Variants in PRKCZ observed in about 807,000 individuals in gnomAD.
PRKCZ encodes protein kinase C zeta type.
Under a neutral mutation model 79.5 loss-of-function variants are expected in PRKCZ, and 33 were observed. The observed-to-expected ratio is 0.41, with a 90% confidence interval of 0.31 to 0.55. PRKCZ has a LOEUF of 0.55. Among genes scored for constraint, PRKCZ ranks in the 20% least tolerant of loss-of-function variants. The pLI, the probability that PRKCZ is intolerant of heterozygous loss-of-function variation, is 0.19. For missense variants in PRKCZ, 578 were observed against 813.5 expected (o/e 0.71, Z 3.52); for synonymous variants, 342 against 320.9 (o/e 1.07, Z -0.70).
chr1:2,051,026 G>C (rs1659589689), intron 1 of PRKCZ: 3 of 265,488 alleles, frequency 1.1e-5, no homozygotes, highest in Admixed American at 5.4e-5. Context: ...AGGACTGAAA[G>C]TTTTCATCAA....
intron 10 of PRKCZ, among the ~76,000 whole-genome samples, chr1:2,162,871 A>G (rs1054532801): frequency 1.3e-5 from 2 of 151,612 alleles, no homozygotes; most frequent in African/African-American, 2.4e-5. Context: ...TGTGGGCCCC[A>G]TGGCTTCTGA....
chr1:2,085,140 A>G (rs1465310062), intron 4 of PRKCZ, among the ~76,000 whole-genome samples: 1 of 152,156 alleles, frequency 6.6e-6, no homozygotes, highest in Non-Finnish European at 1.5e-5. Flanking sequence ...TTCCTCTGTC[A>G]GCTGGGTGAG....
chr1:2,104,935 C>G, intron 4 of PRKCZ: 1 of 985,294 alleles, frequency 1.0e-6, no homozygotes, highest in Non-Finnish European at 1.2e-6. Context: ...TACACAGCAC[C>G]CAGGCCTTTT....
Position 2,174,500 on chromosome 1 carries a change from C to T in PRKCZ, c.1406-254C>T, listed in dbSNP as rs372209578. 6.2e-4 allele frequency among the ~76,000 whole-genome samples: 94 copies of T among 152,354 alleles called. No individual in the cohort carries two copies. The highest frequency in any genetic ancestry group is 2.0e-3 in the African/African-American group (84 of 41,586). ...GCCTGCAGAGGCACCCGTGTACCTG[C>T]GATCTTGGGGCTGAGGAAGGGGAGC... is the stretch of plus-strand genomic sequence containing the variant. On this transcript the variant is annotated intron_variant, in intron 14 of 17. Coordinates refer to ENST00000378567, the MANE Select transcript of PRKCZ (RefSeq NM_002744.6). The surrounding 1 kb of genome is among the most constrained non-coding windows in gnomAD (Gnocchi z 6.2).
chr1:2,172,055 G>T lies in PRKCZ; in HGVS notation c.1062G>T (p.Arg354Ser). 1 of 1,600,942 alleles carries T rather than the reference G, an allele frequency of 6.2e-7. No homozygotes were observed. Among genetic ancestry groups the T allele is most frequent in the Non-Finnish European group, 8.5e-7 (1 of 1,173,404 alleles). The change falls in exon 12 of 18, where the codon AGG becomes AGT. Residue 354 changes from arginine (R) to serine (S), a missense_variant and splice_region_variant. Coordinates refer to ENST00000378567, the MANE Select transcript of PRKCZ (RefSeq NM_002744.6). The surrounding 1 kb of genome is among the most constrained non-coding windows in gnomAD (Gnocchi z 7.8). ...RQRKLPEEHA[R>S]FYAAEICIAL... ...CCCATGACGGCATCCCCACCCCCAG[G>T]TTCTACGCGGCCGAGATCTGCATCG...
intron 10 of PRKCZ, among the ~76,000 whole-genome samples, chr1:2,161,562 A>AG (rs1246148321): frequency 6.6e-6 from 1 of 152,234 alleles, no homozygotes. Flanking sequence ...CAGGCCACAC[A>AG]GGACTGTGCA....
chr1:2,178,510 G>T lies in PRKCZ; in HGVS notation c.1575+3197G>T, dbSNP rs1685919714. ...GTGAACACCTGTGAACCCGCTTCTG[G>T]GTGGACTCGTGCTGCTGTGAGCACC... On this transcript the variant is annotated intron_variant, in intron 16 of 17. Transcript: ENST00000378567. The surrounding 1 kb of genome is among the most constrained non-coding windows in gnomAD (Gnocchi z 4.3). Among the ~76,000 whole-genome samples the T allele has an allele frequency of 6.6e-6, 1 of 151,622 alleles. No individual in the cohort carries two copies. The highest frequency in any genetic ancestry group is 1.9e-4 in the East Asian group (1 of 5,190).
intron 4 of PRKCZ, among the ~76,000 whole-genome samples, chr1:2,076,132 G>A (rs1367091346): frequency 6.6e-6 from 1 of 152,194 alleles, no homozygotes; most frequent in African/African-American, 2.4e-5. Context: ...CTGAGGGGGT[G>A]CCCAGTGCCA....
chr1:2,088,096 C>T (rs541617744), intron 4 of PRKCZ, among the ~76,000 whole-genome samples: 19 of 152,290 alleles, frequency 1.2e-4, no homozygotes, highest in African/African-American at 4.3e-4. Flanking sequence ...TCGGATGCTG[C>T]CTGAGTTGGG....
chr1:2,079,975 G>C (rs995065802), intron 4 of PRKCZ, among the ~76,000 whole-genome samples: 1 of 152,188 alleles, frequency 6.6e-6, no homozygotes, highest in Non-Finnish European at 1.5e-5. Context: ...TGAGGAAGGG[G>C]GTCTGGGGGT....
chr1:2,085,245 C>T (rs1347039644), intron 4 of PRKCZ, among the ~76,000 whole-genome samples: 2 of 152,248 alleles, frequency 1.3e-5, no homozygotes, highest in African/African-American at 2.4e-5. Context: ...TTCCGAGACA[C>T]GTTGTACCAT....
chr1:2,117,486 C>T (rs191735457), intron 4 of PRKCZ, among the ~76,000 whole-genome samples: 209 of 152,066 alleles, frequency 1.4e-3, no homozygotes, highest in African/African-American at 4.5e-3. Context: ...CCTCTCTGTG[C>T]GCTGCCATTT....
intron 4 of PRKCZ, among the ~76,000 whole-genome samples, chr1:2,083,452 T>TA (rs1663947071): frequency 6.6e-6 from 1 of 152,256 alleles, no homozygotes; most frequent in African/African-American, 2.4e-5. Context: ...TCATTAACTC[T>TA]AATTAATGTA....
chr1:2,056,540 C>G lies in PRKCZ; in HGVS notation c.250C>G (p.Arg84Gly). The change falls in exon 3 of 18, where the codon CGT (arginine) becomes GGT (glycine). Residue 84 changes from arginine (R) to glycine (G), a missense_variant. Physicochemically the swap from Arg to Gly is moderately radical, Grantham distance 125 (BLOSUM62 -2). Coordinates refer to ENST00000378567, the MANE Select transcript of PRKCZ (RefSeq NM_002744.6). ...GCTGGAAGAGGCTTTCCGCCTGGCC[C>G]GTCAGTGCAGGGATGAAGGCCTCAT... ...MELEEAFRLA[R>G]QCRDEGLIIH... 1.2e-6 allele frequency: 2 copies of G among 1,613,862 alleles called. No individual in the cohort carries two copies. Among genetic ancestry groups the G allele is most frequent in the Non-Finnish European group, 1.7e-6 (2 of 1,179,930 alleles).
chr1:2,108,561 T>C (rs1266386785), intron 4 of PRKCZ, among the ~76,000 whole-genome samples: 3 of 152,340 alleles, frequency 2.0e-5, no homozygotes, highest in Non-Finnish European at 2.9e-5. Context: ...TGCGTGACAG[T>C]GGAGACATCG....
rs1303075918 is a variant in PRKCZ at position 2,080,890 on chromosome 1, C to T, written c.334+21299C>T. Reference sequence around the variant, plus strand: ...TGGTCAGGTGTTTTGTGGGACAGCCCTTCGCTGGGGTTTGCCTCATGTTTT... The same window carrying T: ...TGGTCAGGTGTTTTGTGGGACAGCCTTTCGCTGGGGTTTGCCTCATGTTTT... On this transcript the variant is annotated intron_variant, in intron 4 of 17. Coordinates refer to ENST00000378567, the MANE Select transcript of PRKCZ (RefSeq NM_002744.6). Among the ~76,000 whole-genome samples the T allele has an allele frequency of 2.0e-5, 3 of 152,182 alleles. No individual in the cohort carries two copies. In the South Asian group the frequency reaches 6.2e-4, roughly 31 times the overall value.
At chr1:2,118,033 C>A (rs1344865292) in intron 4 of PRKCZ, among the ~76,000 whole-genome samples, 1 of 120,474 alleles carries the variant, frequency 8.3e-6, no homozygotes, top group African/African-American at 3.0e-5. Context: ...ACTCTGTCAC[C>A]CAGGCTGGAG....
At chr1:2,146,175 C>A in intron 7 of PRKCZ, 67 bp downstream of exon 7, 2 of 1,468,742 alleles carry the variant, frequency 1.4e-6, no homozygotes, top group Non-Finnish European at 9.5e-7. Flanking sequence ...CCTCTGCCTT[C>A]TAGCCACGAG....
At chr1:2,050,218 C>T (rs868104262), upstream of PRKCZ, 1 of 152,100 alleles carries the variant, frequency 6.6e-6, no homozygotes, top group Admixed American at 6.6e-5. Context: ...AGGTGCGCCG[C>T]GCCCCGCCCA....
Sources: allele counts gnomAD v4.1 joint callset (sites outside exome capture counted in the v4.1 genomes callset), GRCh38; gene constraint gnomAD v4.1.1; non-coding constraint Gnocchi (gnomAD v3.1); transcripts MANE v1.5; gene names NCBI Gene and HGNC (gene_info 2026-07-23, HGNC 2026-07-21).